Variants in HS3ST4 observed in about 807,000 individuals in gnomAD.
The protein encoded by HS3ST4 is heparan sulfate glucosamine 3-O-sulfotransferase 4.
Under a neutral mutation model 29.2 loss-of-function variants are expected in HS3ST4, and 17 were observed. That is an observed-to-expected ratio of 0.58 (90% CI 0.40 to 0.87). HS3ST4 has a LOEUF of 0.87. Among genes scored for constraint, HS3ST4 ranks in the 40% least tolerant of loss-of-function variants. HS3ST4 has a pLI of 0.00. For missense variants in HS3ST4, 627 were observed against 634.5 expected (o/e 0.99, Z 0.13); for synonymous variants, 314 against 285.7 (o/e 1.10, Z -1.00).
chr16:25,995,884 C>G (rs1431760418), intron 1 of HS3ST4, among the ~76,000 whole-genome samples: 1 of 151,906 alleles, frequency 6.6e-6, no homozygotes, highest in Non-Finnish European at 1.5e-5. Context: ...CCCTGTCTTT[C>G]TCTGATGCTT....
intron 1 of HS3ST4, among the ~76,000 whole-genome samples, chr16:25,774,106 G>A (rs1567237050): frequency 6.6e-6 from 1 of 152,208 alleles, no homozygotes; most frequent in African/African-American, 2.4e-5. Context: ...ACTAGTCCCT[G>A]CCCATGCAGG....
intron 1 of HS3ST4, among the ~76,000 whole-genome samples, chr16:26,122,716 A>C (rs77409162): frequency 0.017 from 2,626 of 152,274 alleles, 63 homozygotes; most frequent in African/African-American, 0.058. Flanking sequence ...CATCATTTAC[A>C]TAAAGGCCCA....
chr16:25,940,369 G>C (rs1425217487), intron 1 of HS3ST4, among the ~76,000 whole-genome samples: 1 of 152,136 alleles, frequency 6.6e-6, no homozygotes, highest in Non-Finnish European at 1.5e-5. Context: ...AGAGGAGGAG[G>C]AAAGAGAAGG....
intron 1 of HS3ST4, among the ~76,000 whole-genome samples, chr16:25,801,681 C>T (rs1456409020): frequency 6.6e-6 from 1 of 152,156 alleles, no homozygotes; most frequent in Non-Finnish European, 1.5e-5. Flanking sequence ...ATTTTAAATG[C>T]TTACTCGCCC....
chr16:25,952,017 A>G (rs565370537), intron 1 of HS3ST4, among the ~76,000 whole-genome samples: 1 of 152,264 alleles, frequency 6.6e-6, no homozygotes, highest in East Asian at 1.9e-4. Flanking sequence ...AAAGAATAAT[A>G]TTTTGTAGTA....
chr16:25,734,598 T>C (rs1196392186), intron 1 of HS3ST4, among the ~76,000 whole-genome samples: 1 of 152,130 alleles, frequency 6.6e-6, no homozygotes, highest in Non-Finnish European at 1.5e-5. Flanking sequence ...ATTCCTCCCT[T>C]TTATGGAATT....
chr16:26,013,615 A>G (rs1596644593), intron 1 of HS3ST4, among the ~76,000 whole-genome samples: 1 of 152,182 alleles, frequency 6.6e-6, no homozygotes, highest in South Asian at 2.1e-4. Context: ...CTGGATGACT[A>G]TTTTTTAAAT....
intron 1 of HS3ST4, among the ~76,000 whole-genome samples, chr16:25,915,698 G>A (rs1438604309): frequency 6.6e-6 from 1 of 152,126 alleles, no homozygotes; most frequent in Non-Finnish European, 1.5e-5. Context: ...TGCCACGTTA[G>A]GAAATATGAT....
intron 1 of HS3ST4, among the ~76,000 whole-genome samples, chr16:25,735,540 T>C (rs1966602811): frequency 6.6e-6 from 1 of 152,032 alleles, no homozygotes; most frequent in Non-Finnish European, 1.5e-5. Flanking sequence ...AGGTGTGCAC[T>C]ACCACAACGG....
intron 1 of HS3ST4, among the ~76,000 whole-genome samples, chr16:26,038,156 G>A (rs113604782): frequency 0.073 from 11,151 of 152,112 alleles, 672 homozygotes; most frequent in African/African-American, 0.17. Flanking sequence ...CCTCAGCGAC[G>A]TCAAGCTCAG....
At chr16:25,904,193 C>A (rs1219297091) in intron 1 of HS3ST4, among the ~76,000 whole-genome samples, 2 of 126,978 alleles carry the variant, frequency 1.6e-5, no homozygotes, top group Non-Finnish European at 3.4e-5. Flanking sequence ...GACGGATGGA[C>A]AGATGAATGG....
intron 1 of HS3ST4, among the ~76,000 whole-genome samples, chr16:26,015,681 A>G (rs1969355895): frequency 6.6e-6 from 1 of 152,186 alleles, no homozygotes; most frequent in African/African-American, 2.4e-5. Context: ...TCTTGTTAAG[A>G]TGAACTACTA....
chr16:25,934,344 C>T (rs2141689038), intron 1 of HS3ST4, among the ~76,000 whole-genome samples: 1 of 152,322 alleles, frequency 6.6e-6, no homozygotes, highest in African/African-American at 2.4e-5. Flanking sequence ...CCTCATAGCA[C>T]AGATGCCCCA....
intron 1 of HS3ST4, among the ~76,000 whole-genome samples, chr16:26,099,297 G>A (rs1359159268): frequency 6.6e-6 from 1 of 152,186 alleles, no homozygotes; most frequent in East Asian, 1.9e-4. Context: ...TGAGACTACA[G>A]GTGGATGTCA....
chr16:25,793,538 C>T (rs1015637001), intron 1 of HS3ST4, among the ~76,000 whole-genome samples: 4 of 151,924 alleles, frequency 2.6e-5, no homozygotes, highest in African/African-American at 9.7e-5. Context: ...AAACATTCTT[C>T]ATCTTTAATT....
At chr16:26,119,645 T>A (rs987572891) in intron 1 of HS3ST4, among the ~76,000 whole-genome samples, 1 of 152,158 alleles carries the variant, frequency 6.6e-6, no homozygotes, top group Non-Finnish European at 1.5e-5. Context: ...TTTGGGCACA[T>A]TTTTCTTTCA....
intron 1 of HS3ST4, among the ~76,000 whole-genome samples, chr16:25,920,458 A>G (rs1407436686): frequency 2.0e-5 from 3 of 152,052 alleles, no homozygotes; most frequent in Non-Finnish European, 4.4e-5. Context: ...CTTCAGAAGA[A>G]TGAATACACT....
At position 26,135,891 on chromosome 16, in the gene HS3ST4, G is replaced by A. The variant is rs760801531; in HGVS notation, c.1014G>A (p.Leu338=). 3 of 1,613,872 alleles carry A rather than the reference G, an allele frequency of 1.9e-6. No individual in the cohort carries two copies. The highest frequency in any genetic ancestry group is 1.7e-6 in the Non-Finnish European group (2 of 1,179,886). Residue 338 remains leucine, a synonymous_variant, in exon 2 of 2, where the codon CTG becomes CTA. Coordinates refer to ENST00000331351, the MANE Select transcript of HS3ST4 (RefSeq NM_006040.3). The stretch of plus-strand genomic sequence containing the variant: ...CCATTCGAATAGGGATCTATGCGCT[G>A]CATCTGGAAAACTGGCTCCAGTATT... ...WSAIRIGIYA[L]HLENWLQYFP... is the part of the protein sequence containing the mutation.
chr16:26,042,936 G>A (rs4787806), intron 1 of HS3ST4, among the ~76,000 whole-genome samples: 23,410 of 151,906 alleles, frequency 0.15, 4,784 homozygotes, highest in African/African-American at 0.46. Flanking sequence ...CCTTTTCCCC[G>A]GTAACCTATA....
Sources: allele counts gnomAD v4.1 joint callset (sites outside exome capture counted in the v4.1 genomes callset), GRCh38; gene constraint gnomAD v4.1.1; transcripts MANE v1.5; gene names NCBI Gene and HGNC (gene_info 2026-07-23, HGNC 2026-07-21).